Variants in PLEKHA7 observed in about 807,000 individuals in gnomAD.
The protein encoded by PLEKHA7 is pleckstrin homology domain-containing family A member 7.
In PLEKHA7, 104 loss-of-function variants were observed where a neutral mutation model predicts 170.0. The observed-to-expected ratio is 0.61, with a 90% CI of 0.52 to 0.72. The LOEUF (loss-of-function observed/expected upper bound fraction) is 0.72. Among genes scored for constraint, PLEKHA7 ranks in the 30% least tolerant of loss-of-function variants. The pLI is 0.00. For synonymous variants in PLEKHA7, 648 were observed against 660.8 expected (o/e 0.98, Z 0.30); for missense variants, 1,615 against 1,671.7 (o/e 0.97, Z 0.59).
rs529274231 is a variant in PLEKHA7, at chr11:16,808,644, T to G, written c.2007+4469A>C. Among the ~76,000 whole-genome samples the G allele has an allele frequency of 3.9e-5, 6 of 152,286 alleles. No individual in the cohort carries two copies. The South Asian group carries it at 1.2e-3, about 32-fold the overall frequency. ...CCCTCACTGAAGACAAAAGCCTTTT[T>G]GGGGCTGACTGCAACCTTTTCTATC... On this transcript the variant is annotated intron_variant, in intron 13 of 26. Coordinates refer to ENST00000531066, the MANE Select transcript of PLEKHA7 (RefSeq NM_001329630.2).
Position 16,794,862 on chromosome 11 carries a change from C to T in PLEKHA7, c.2518+48G>A, listed in dbSNP as rs1416287115. 1.1e-5 allele frequency: 17 copies of T among 1,528,052 alleles called. No homozygotes were observed. The South Asian group carries it at 1.3e-4, about 12-fold the overall frequency. 94.7% of individuals were successfully genotyped at this position (1,528,052 alleles called of 1,614,324 possible). On this transcript the variant is annotated intron_variant, in intron 18 of 26. Coordinates refer to ENST00000531066, the MANE Select transcript of PLEKHA7 (RefSeq NM_001329630.2). The stretch of plus-strand genomic sequence containing the variant: ...TTCCCAGCCTTCCACCCTCCCACCA[C>T]CCTGCCCCCAATCAGATCCCCCACA...
At chr11:16,844,959 A>G (rs558347591) in intron 8 of PLEKHA7, among the ~76,000 whole-genome samples, 34 of 152,384 alleles carry the variant, frequency 2.2e-4, no homozygotes, top group African/African-American at 7.7e-4. Context: ...AAACAAGGCC[A>G]TAATAGTTTA....
intron 3 of PLEKHA7, among the ~76,000 whole-genome samples, chr11:16,958,582 C>T (rs1052818970): frequency 1.3e-5 from 2 of 152,140 alleles, no homozygotes; most frequent in Non-Finnish European, 1.5e-5. Flanking sequence ...TGTGCTTTTC[C>T]TCTGTATTTC....
chr11:16,991,730 T>C (rs564497141), intron 3 of PLEKHA7, among the ~76,000 whole-genome samples: 2 of 152,212 alleles, frequency 1.3e-5, no homozygotes, highest in South Asian at 2.1e-4. Flanking sequence ...GTCCACTTTG[T>C]ATGTGAGATA....
chr11:16,964,332 T>C (rs1207103958), intron 3 of PLEKHA7, among the ~76,000 whole-genome samples: 1 of 152,246 alleles, frequency 6.6e-6, no homozygotes, highest in African/African-American at 2.4e-5. Flanking sequence ...GGTATATACC[T>C]AGACATGAAA....
chr11:16,807,126 C>A lies in PLEKHA7; in HGVS notation c.2008-3831G>T, dbSNP rs768866813. The A allele has an allele frequency of 2.0e-5, 20 of 976,266 alleles. No homozygotes were observed. The African/African-American group carries it at 3.3e-4, about 16-fold the overall frequency. The allele number at this position is 976,266 out of a possible 1,614,324, so 60.5% of individuals were successfully genotyped here. On this transcript the variant is annotated intron_variant, in intron 13 of 26. Transcript: ENST00000531066. Reference sequence around the variant, plus strand: ...AATGGAATGACCCCGCTTGGAGACACGGATCAGATCATCTTACGCTTCTCC... The same window carrying A: ...AATGGAATGACCCCGCTTGGAGACAAGGATCAGATCATCTTACGCTTCTCC...
chr11:16,871,377 C>T (rs1854832378), intron 3 of PLEKHA7, among the ~76,000 whole-genome samples, 195 bp from the exon 4 acceptor site: 1 of 152,148 alleles, frequency 6.6e-6, no homozygotes, highest in African/African-American at 2.4e-5. Context: ...ATTTCCAGCT[C>T]AGGTGCCAGA....
rs758987726 is a variant in PLEKHA7, at chr11:16,801,000, G to A, written c.2383C>T (p.Gln795Ter). 6.2e-7 allele frequency: 1 copy of A among 1,614,230 alleles called. No individual in the cohort carries two copies. The highest frequency in any genetic ancestry group is 1.1e-5 in the South Asian group (1 of 91,088). ...VEQLKQTLQE[Q>*]HRRAFFFQEK... ...TGGAAAAAAAAGGCTCTTCTGTGTT[G>A]CTCCTGCAGGGTCTGCTTCAGCTGT... Residue 795 changes from glutamine to a stop codon, truncating the protein, a stop_gained, in exon 17 of 27, where the codon CAA becomes TAA. Transcript: ENST00000531066. LOFTEE classifies it high-confidence loss of function.
At chr11:16,794,171 C>G (rs1382284322) in intron 19 of PLEKHA7, among the ~76,000 whole-genome samples, 1 of 151,784 alleles carries the variant, frequency 6.6e-6, no homozygotes, top group Non-Finnish European at 1.5e-5. Context: ...CAGCTTCGTC[C>G]ACAGCCACAC....
intron 5 of PLEKHA7, chr11:16,855,555 C>T (rs941752502): frequency 3.0e-5 from 14 of 464,326 alleles, no homozygotes; most frequent in Non-Finnish European, 4.2e-5. Context: ...CCCAACCATG[C>T]GAGGAAAGTG....
chr11:16,937,076 T>G (rs1860355532), intron 3 of PLEKHA7, among the ~76,000 whole-genome samples: 1 of 152,212 alleles, frequency 6.6e-6, no homozygotes, highest in Admixed American at 6.5e-5. Flanking sequence ...GTTAATAACC[T>G]GGAGTCGTTG....
intron 3 of PLEKHA7, among the ~76,000 whole-genome samples, chr11:16,958,335 A>AT (rs1861835337): frequency 6.6e-6 from 1 of 152,112 alleles, no homozygotes; most frequent in African/African-American, 2.4e-5. Flanking sequence ...AAAAATTAAA[A>AT]TAAAAAAGGT....
At chr11:16,832,910 C>G (rs532954140) in intron 9 of PLEKHA7, among the ~76,000 whole-genome samples, 13 of 152,180 alleles carry the variant, frequency 8.5e-5, no homozygotes, top group African/African-American at 3.1e-4. Context: ...TCTGCAGTCT[C>G]AGGAATAGGG....
chr11:16,989,003 A>G (rs767686921), intron 3 of PLEKHA7, among the ~76,000 whole-genome samples: 1 of 152,040 alleles, frequency 6.6e-6, no homozygotes, highest in African/African-American at 2.4e-5. Context: ...ATCACAGTCA[A>G]CCCTTCAGAA....
intron 3 of PLEKHA7, among the ~76,000 whole-genome samples, chr11:16,975,855 A>G (rs188708415): frequency 2.0e-4 from 30 of 152,298 alleles, no homozygotes; most frequent in Admixed American, 5.2e-4. Context: ...GTAAAGCTCC[A>G]ATTTTGCCAT....
chr11:17,013,181 C>T (rs6486338), intron 3 of PLEKHA7: 7,938 of 152,464 alleles, frequency 0.052, 399 homozygotes, highest in East Asian at 0.15. Context: ...CACAGACTCC[C>T]GCCGGAGTGG....
rs1352043976 is a variant in PLEKHA7, at chr11:16,931,032, C to G, written c.222-59850G>C. ...TTAAGGTGGGAAAAAAGCCTACTTGCTCCATGGCCAGAGACCAAAAGCTAT... is the reference window on the plus strand; with the variant it reads ...TTAAGGTGGGAAAAAAGCCTACTTGGTCCATGGCCAGAGACCAAAAGCTAT... On this transcript the variant is annotated intron_variant, in intron 3 of 26. Transcript: ENST00000531066. Among the ~76,000 whole-genome samples the G allele has an allele frequency of 7.2e-5, 11 of 152,294 alleles. No homozygotes were observed. In the South Asian group the frequency reaches 2.3e-3, roughly 32 times the overall value.
intron 17 of PLEKHA7, among the ~76,000 whole-genome samples, chr11:16,796,526 G>C (rs1366298850): frequency 6.6e-6 from 1 of 152,202 alleles, no homozygotes; most frequent in African/African-American, 2.4e-5. Context: ...GGGAATGAGA[G>C]TGACTGTTAA....
chr11:16,840,260 G>A, intron 9 of PLEKHA7, among the ~76,000 whole-genome samples: 1 of 152,066 alleles, frequency 6.6e-6, no homozygotes. Flanking sequence ...CAGATGTTGT[G>A]CATTTAGATA....
Sources: gnomAD v4.1 joint callset for allele counts (sites outside exome capture counted in the v4.1 genomes callset) on GRCh38, gnomAD v4.1.1 for gene constraint, MANE v1.5 for transcripts, NCBI Gene and HGNC (gene_info 2026-07-23, HGNC 2026-07-21) for gene names.